RBM47: variants seen among roughly 807,000 people sequenced by gnomAD.
RBM47 encodes the protein RNA-binding protein 47.
In RBM47, 21 loss-of-function variants were observed where a neutral mutation model predicts 47.1. The ratio of observed to expected loss-of-function variants is 0.45; its 90% confidence interval spans 0.32 to 0.64. The LOEUF (loss-of-function observed/expected upper bound fraction) is 0.64, where lower values mean the gene tolerates loss of function less well. Among genes scored for constraint, RBM47 ranks in the 30% least tolerant of loss-of-function variants. The probability of loss-of-function intolerance (pLI) is 0.05; values close to 1 mark genes in which losing one functional copy is unlikely to be tolerated. For synonymous variants in RBM47, 375 were observed against 361.7 expected, an observed-to-expected ratio of 1.04 and a Z score of -0.42; for missense variants, 708 against 870.9, an observed-to-expected ratio of 0.81 and a Z score of 2.35.
intron 1 of RBM47, among the ~76,000 whole-genome samples, chr4:40,549,922 G>A (rs371060893): frequency 9.9e-5 from 15 of 151,604 alleles, no homozygotes; most frequent in South Asian, 6.3e-4. Context: ...CACCCGCCTC[G>A]GCCTCCCAAA....
chr4:40,596,893 A>C (rs1734804277), intron 1 of RBM47, among the ~76,000 whole-genome samples: 1 of 152,174 alleles, frequency 6.6e-6, no homozygotes, highest in Non-Finnish European at 1.5e-5. Flanking sequence ...CCAGATACAG[A>C]GGTGTTTGTT....
intron 2 of RBM47, chr4:40,543,277 A>C (rs755282674): frequency 2.6e-5 from 4 of 152,178 alleles, no homozygotes; most frequent in African/African-American, 4.8e-5. Flanking sequence ...ACTCTGGGAC[A>C]TAGCATGGAG....
intron 2 of RBM47, among the ~76,000 whole-genome samples, chr4:40,508,587 G>A (rs1724441623): frequency 6.6e-6 from 1 of 152,150 alleles, no homozygotes; most frequent in Non-Finnish European, 1.5e-5. Flanking sequence ...TTGAGTGAGA[G>A]GCCAGATACA....
intron 2 of RBM47, among the ~76,000 whole-genome samples, chr4:40,528,405 T>TAA (rs769489642): frequency 2.0e-5 from 3 of 147,696 alleles, no homozygotes; most frequent in African/African-American, 4.9e-5. Flanking sequence ...GAGGCTTTTT[T>TAA]AAAAAAAAAA....
chr4:40,582,212 G>A (rs1459991888), intron 1 of RBM47, among the ~76,000 whole-genome samples: 2 of 152,206 alleles, frequency 1.3e-5, no homozygotes, highest in East Asian at 3.9e-4. Flanking sequence ...CCTAACTCTA[G>A]TCCTTGTTGC....
At chr4:40,492,918 T>A (rs1722082351) in intron 2 of RBM47, among the ~76,000 whole-genome samples, 1 of 152,316 alleles carries the variant, frequency 6.6e-6, no homozygotes, top group South Asian at 2.1e-4. Context: ...CTCCCCTGCA[T>A]CTTCCCCTTC....
At chr4:40,436,724 G>C in intron 4 of RBM47, 77 bp from the exon 5 acceptor site, 2 of 1,389,478 alleles carry the variant, frequency 1.4e-6, no homozygotes, top group Non-Finnish European at 1.0e-6. Context: ...CTCGGTTCTC[G>C]GCATTTAACT....
intron 1 of RBM47, among the ~76,000 whole-genome samples, chr4:40,570,392 G>A (rs1213343128): frequency 6.6e-6 from 1 of 151,754 alleles, no homozygotes; most frequent in Non-Finnish European, 1.5e-5. Context: ...ATTCTCATAT[G>A]AAGCCTGCAA....
chr4:40,452,795 G>A (rs1412051273), intron 3 of RBM47, among the ~76,000 whole-genome samples: 4 of 146,606 alleles, frequency 2.7e-5, no homozygotes, highest in African/African-American at 9.9e-5. Context: ...ACACTTAAAA[G>A]ACAATAAATA....
At chr4:40,443,932 C>T (rs1171297508) in intron 3 of RBM47, among the ~76,000 whole-genome samples, 1 of 152,066 alleles carries the variant, frequency 6.6e-6, no homozygotes, top group East Asian at 1.9e-4. Flanking sequence ...GGCTCAGTGG[C>T]TCACGCCTGT....
chr4:40,461,076 A>G (rs960626671), intron 3 of RBM47, among the ~76,000 whole-genome samples: 1 of 152,178 alleles, frequency 6.6e-6, no homozygotes. Context: ...AAGAATGGAA[A>G]TGAACAGAAA....
chr4:40,613,899 CT>C lies in RBM47; in HGVS notation c.-240+15496del, dbSNP rs568517913. ...TATGGACATTTTGGGCTGGATAATTCTTTGTTTTGAGTGGTTCTCCTGGGCA... is the reference window on the plus strand; with the variant it reads ...TATGGACATTTTGGGCTGGATAATTCTTGTTTTGAGTGGTTCTCCTGGGCA... On this transcript the variant is annotated intron_variant, in intron 1 of 6. Coordinates refer to ENST00000295971, the MANE Select transcript of RBM47 (RefSeq NM_001098634.2). Among the ~76,000 whole-genome samples the C allele has an allele frequency of 1.1e-3, 160 of 151,776 alleles. 1 individual carries two copies. Among genetic ancestry groups the C allele is most frequent in the Admixed American group, 8.5e-3 (129 of 15,210 alleles).
At chr4:40,584,261 G>A (rs79932097) in intron 1 of RBM47, among the ~76,000 whole-genome samples, 14,393 of 152,196 alleles carry the variant, frequency 0.095, 948 homozygotes, top group Admixed American at 0.21. Flanking sequence ...ACCGTGCTGG[G>A]CTGGTTGTTC....
intron 2 of RBM47, among the ~76,000 whole-genome samples, chr4:40,484,904 T>A (rs1720873262): frequency 6.6e-6 from 1 of 152,260 alleles, no homozygotes; most frequent in Admixed American, 6.5e-5. Context: ...CAAATTTGAT[T>A]CCTGTTTCAT....
In RBM47 at chr4:40,536,185, A is replaced by G. The variant is rs1252339777; in HGVS notation, c.-155+8237T>C. ...GGCAGGCAACACCTGCATAGAAACCAATGAGCATGGCTGAAGTGAATGTCA... is the reference window on the plus strand; with the variant it reads ...GGCAGGCAACACCTGCATAGAAACCGATGAGCATGGCTGAAGTGAATGTCA... On this transcript the variant is annotated intron_variant, in intron 2 of 6. Coordinates refer to ENST00000295971, the MANE Select transcript of RBM47 (RefSeq NM_001098634.2). 8.5e-5 allele frequency among the ~76,000 whole-genome samples: 13 copies of G among 152,364 alleles called. No homozygotes were observed. The East Asian group carries it at 2.5e-3, about 29-fold the overall frequency.
At chr4:40,580,630 C>T (rs538081429) in intron 1 of RBM47, among the ~76,000 whole-genome samples, 4 of 152,338 alleles carry the variant, frequency 2.6e-5, no homozygotes, top group Middle Eastern at 3.4e-3. Context: ...CGCAGCCACC[C>T]GTTCTCTTTC....
intron 1 of RBM47, among the ~76,000 whole-genome samples, chr4:40,568,428 CAAAAAAAAAAAAAAA>C (rs35434439): frequency 5.2e-5 from 3 of 57,574 alleles, no homozygotes; most frequent in Non-Finnish European, 1.0e-4. Context: ...AACCCTGTCT[CAAAAAAAAAAAAAAA>C]AAAAAAAAAA....
chr4:40,437,090 A>ATATATATATAT lies in RBM47; in HGVS notation c.1124-444_1124-443insATATATATATA, dbSNP rs1553877705. Among the ~76,000 whole-genome samples, 6 of 49,804 alleles carry ATATATATATAT rather than the reference A, an allele frequency of 1.2e-4. 2 individuals carry two copies. Among genetic ancestry groups the ATATATATATAT allele is most frequent in the Admixed American group, 6.2e-4 (2 of 3,218 alleles). The allele number at this position is 49,804 out of a possible 152,430, so 32.7% of individuals were successfully genotyped here. A position where few individuals can be genotyped will look rare whatever the true frequency, so the allele number is the denominator to read the frequency against. On this transcript the variant is annotated intron_variant, in intron 4 of 6. Transcript: ENST00000295971. ...CCCTGTCTCAAAAAAAAAAAAAAAA[A>ATATATATATAT]ATATATATATATATATATATAAAAT...
At chr4:40,526,547 G>A (rs1242880964) in intron 2 of RBM47, among the ~76,000 whole-genome samples, 1 of 151,874 alleles carries the variant, frequency 6.6e-6, no homozygotes, top group Non-Finnish European at 1.5e-5. Flanking sequence ...TCTTTTATTT[G>A]TTTCTTTTTG....
Sources: allele counts gnomAD v4.1 joint callset (sites outside exome capture counted in the v4.1 genomes callset), GRCh38; gene constraint gnomAD v4.1.1; transcripts MANE v1.5; gene names NCBI Gene and HGNC (gene_info 2026-07-23, HGNC 2026-07-21).